The following IFNLR1 variants were observed in gnomAD, a reference collection of about 807,000 sequenced individuals.
The protein encoded by IFNLR1 is interferon lambda receptor 1, also known as CRF2-12.
IFNLR1 carries 28 observed loss-of-function variants against 52.5 expected under a neutral mutation model. The ratio of observed to expected loss-of-function variants is 0.53; its 90% CI spans 0.40 to 0.73. The LOEUF (loss-of-function observed/expected upper bound fraction) is 0.73. IFNLR1 is among the 30% of genes least tolerant of loss of function. The pLI is 0.00. For missense variants in IFNLR1, 623 were observed against 659.1 expected (o/e 0.95, Z 0.60); for synonymous variants, 276 against 274.9 (o/e 1.00, Z -0.04).
intron 6 of IFNLR1, 70 bp downstream of exon 6, chr1:24,158,982 C>G: frequency 6.7e-7 from 1 of 1,491,760 alleles, no homozygotes; most frequent in Non-Finnish European, 9.2e-7. Context: ...CTGAACAACT[C>G]ATAGCTCCAG....
At chr1:24,186,317 C>A (rs1370871352) in intron 1 of IFNLR1, among the ~76,000 whole-genome samples, 1 of 152,148 alleles carries the variant, frequency 6.6e-6, no homozygotes, top group Non-Finnish European at 1.5e-5. Flanking sequence ...CTCTGCCATC[C>A]TTCTTGAGGA....
intron 3 of IFNLR1, among the ~76,000 whole-genome samples, chr1:24,163,761 T>C (rs976137339): frequency 6.6e-6 from 1 of 152,068 alleles, no homozygotes; most frequent in Non-Finnish European, 1.5e-5. Flanking sequence ...GTATTTTTAG[T>C]AGAGATGGGG....
chr1:24,167,623 G>T lies in IFNLR1; in HGVS notation c.367+1794C>A, dbSNP rs139353491. ...TGGTCTTGAACTCCTGATCTCAAATGATCCATCCGCCTCGGCCTCCCAAAG... is the reference window on the plus strand; with the variant it reads ...TGGTCTTGAACTCCTGATCTCAAATTATCCATCCGCCTCGGCCTCCCAAAG... On this transcript the variant is annotated intron_variant, in intron 3 of 6. Transcript: ENST00000327535. 9.7e-3 allele frequency among the ~76,000 whole-genome samples: 1,471 copies of T among 152,126 alleles called. 7 individuals are homozygous for T. Among genetic ancestry groups the T allele is most frequent in the Non-Finnish European group, 0.013 (903 of 68,000 alleles).
chr1:24,159,724 G>GTTTTTTTTTTTTTTT, intron 4 of IFNLR1, 91 bp from the exon 5 acceptor site: 2 of 774,192 alleles, frequency 2.6e-6, no homozygotes, highest in African/African-American at 3.7e-5. Context: ...ACATGGTAGG[G>GTTTTTTTTTTTTTTT]TGTTTTTTTT....
intron 4 of IFNLR1, among the ~76,000 whole-genome samples, chr1:24,161,120 G>A (rs1644438207): frequency 6.6e-6 from 1 of 152,150 alleles, no homozygotes; most frequent in African/African-American, 2.4e-5. Context: ...GAGTAGTCCT[G>A]AGCGAACATA....
At chr1:24,174,314 C>T (rs1487895503) in intron 2 of IFNLR1, among the ~76,000 whole-genome samples, 3 of 152,216 alleles carry the variant, frequency 2.0e-5, no homozygotes, top group African/African-American at 7.2e-5. Flanking sequence ...TTTGTTATGG[C>T]AGCCCTAGCA....
intron 3 of IFNLR1, among the ~76,000 whole-genome samples, chr1:24,168,316 C>G (rs940602246): frequency 6.6e-6 from 1 of 152,168 alleles, no homozygotes; most frequent in African/African-American, 2.4e-5. Flanking sequence ...TCCCTCTTCT[C>G]TCTTAAAGCC....
intron 3 of IFNLR1, among the ~76,000 whole-genome samples, chr1:24,163,436 C>T (rs1644485329): frequency 6.6e-6 from 1 of 152,264 alleles, no homozygotes; most frequent in Admixed American, 6.5e-5. Context: ...CAGTCTATAA[C>T]GTTAATTAAG....
chr1:24,157,877 G>GC lies in IFNLR1; in HGVS notation c.815_816insG (p.His272GlnfsTer18). 2 of 1,588,698 alleles carry GC rather than the reference G, an allele frequency of 1.3e-6. No homozygotes were observed. Among genetic ancestry groups the GC allele is most frequent in the Non-Finnish European group, 8.6e-7 (1 of 1,169,146 alleles). ...GCTGAAAGGTTGCCACAGGGTGTGT[G>GC]TGTCCAGAAAAGTCCTGATTTGGGT... On this transcript the variant is annotated frameshift_variant, in exon 7 of 7. Coordinates refer to ENST00000327535, the MANE Select transcript of IFNLR1 (RefSeq NM_170743.4). LOFTEE classifies it high-confidence loss of function. The surrounding 1 kb of genome is among the most constrained non-coding windows in gnomAD (Gnocchi z 5.1).
chr1:24,180,530 T>C lies in IFNLR1; in HGVS notation c.182+201A>G, dbSNP rs112766867. 5.1e-3 allele frequency among the ~76,000 whole-genome samples: 772 copies of C among 152,094 alleles called. 9 individuals are homozygous for C. Among genetic ancestry groups the C allele is most frequent in the African/African-American group, 0.017 (690 of 41,476 alleles). On this transcript the variant is annotated intron_variant, in intron 2 of 6. Transcript: ENST00000327535. ...CCCGGCAGACTGGTCACCTGTACAC[T>C]GCTCTTCATTCAACATCTTCCCCAC...
At position 24,187,142 on chromosome 1, in the gene IFNLR1, G is replaced by T. The variant is rs774356912; in HGVS notation, c.58+49C>A. On this transcript the variant is annotated intron_variant, in intron 1 of 6. Transcript: ENST00000327535. ...CCGGGTCCGAGGGTAGGCGCGGCCC[G>T]GCCCGGGGAGCCCTCTTCCCCCTCC... 16 of 1,249,846 alleles carry T rather than the reference G, an allele frequency of 1.3e-5. No individual in the cohort carries two copies. The Admixed American group carries it at 2.9e-4, about 23-fold the overall frequency. The allele number at this position is 1,249,846 out of a possible 1,614,324, so 77.4% of individuals were successfully genotyped here.
chr1:24,158,086 C>T (rs998872543), intron 6 of IFNLR1, among the ~76,000 whole-genome samples, 195 bp from the exon 7 acceptor site: 23 of 152,166 alleles, frequency 1.5e-4, no homozygotes, highest in African/African-American at 5.6e-4. Flanking sequence ...AGCAGCTGAC[C>T]ACTAGGGCTA....
At chr1:24,187,121 G>C (rs1644746483) in intron 1 of IFNLR1, 70 bp downstream of exon 1, 3 of 1,084,576 alleles carry the variant, frequency 2.8e-6, no homozygotes, top group Non-Finnish European at 3.7e-6. Flanking sequence ...GGAGCTCCGG[G>C]TCCGAGGGTA....
At chr1:24,164,926 C>A (rs929768339) in intron 3 of IFNLR1, among the ~76,000 whole-genome samples, 8 of 152,082 alleles carry the variant, frequency 5.3e-5, no homozygotes, top group African/African-American at 9.7e-5. Context: ...CCACACCCAG[C>A]TAATTTTTGT....
In IFNLR1 at chr1:24,159,047, T is replaced by G; in HGVS notation, c.801+5A>C. On this transcript the variant is annotated splice_donor_5th_base_variant and intron_variant, in intron 6 of 6. Coordinates refer to ENST00000327535, the MANE Select transcript of IFNLR1 (RefSeq NM_170743.4). ...ACCTGCTGCACACCCCCAGATTTGC[T>G]ATACCAGGGCCCGTGGCATCTTTGC... The G allele has an allele frequency of 6.2e-7, 1 of 1,613,650 alleles. No homozygotes were observed. Among genetic ancestry groups the G allele is most frequent in the Non-Finnish European group, 8.5e-7 (1 of 1,179,820 alleles).
In IFNLR1 at chr1:24,157,093, C is replaced by G; in HGVS notation, c.*37G>C. ...AGCCCAGTAGTCCTTGCAAAGGCAG[C>G]AGCAGCATCAGATTCGGTGGGATGT... On this transcript the variant is annotated 3_prime_UTR_variant, in exon 7 of 7. Transcript: ENST00000327535. The surrounding 1 kb of genome is among the most constrained non-coding windows in gnomAD (Gnocchi z 5.1). 1 of 1,569,262 alleles carries G rather than the reference C, an allele frequency of 6.4e-7. No individual in the cohort carries two copies. The highest frequency in any genetic ancestry group is 8.6e-7 in the Non-Finnish European group (1 of 1,159,120).
chr1:24,171,487 T>A (rs899514016), intron 2 of IFNLR1, among the ~76,000 whole-genome samples: 2 of 152,170 alleles, frequency 1.3e-5, no homozygotes, highest in African/African-American at 4.8e-5. Context: ...TTTGAAAATT[T>A]AAAAAAATAT....
At chr1:24,180,693 C>CCCCCG in intron 2 of IFNLR1, 38 bp downstream of exon 2, 1 of 1,409,328 alleles carries the variant, frequency 7.1e-7, no homozygotes, top group Non-Finnish European at 9.8e-7. Flanking sequence ...CCCACCCCCT[C>CCCCCG]AGTCTTCCCA....
At chr1:24,159,749 T>G (rs11249013) in intron 4 of IFNLR1, 116 bp from the exon 5 acceptor site, 19 of 942,646 alleles carry the variant, frequency 2.0e-5, no homozygotes, top group Non-Finnish European at 2.6e-5. Context: ...TTTTTTTTTT[T>G]GTTTTTTTGT....
Sources: allele counts gnomAD v4.1 joint callset (sites outside exome capture counted in the v4.1 genomes callset), GRCh38; gene constraint gnomAD v4.1.1; non-coding constraint Gnocchi (gnomAD v3.1); transcripts MANE v1.5; gene names NCBI Gene and HGNC (gene_info 2026-07-23, HGNC 2026-07-21).